The following NRG3 variants were observed in gnomAD, a reference collection of about 807,000 sequenced individuals.
The protein encoded by NRG3 is neuregulin 3.
A neutral mutation model predicts 66.9 loss-of-function variants in NRG3; 31 were observed. The ratio of observed to expected loss-of-function variants is 0.46; its 90% CI spans 0.35 to 0.63. NRG3 has a LOEUF of 0.63. Ranked by LOEUF, NRG3 falls within the 20% of genes least tolerant of loss-of-function variation. NRG3 has a pLI of 0.00. For synonymous variants in NRG3, 393 were observed against 359.4 expected (o/e 1.09, Z -1.06); for missense variants, 910 against 878.9 (o/e 1.04, Z -0.45).
chr10:82,838,093 G>A (rs1294761216), intron 3 of NRG3, among the ~76,000 whole-genome samples: 3 of 152,120 alleles, frequency 2.0e-5, no homozygotes, highest in Admixed American at 1.3e-4. Context: ...TTAGCACTAA[G>A]CTTAAAATCC....
intron 2 of NRG3, among the ~76,000 whole-genome samples, chr10:82,717,440 C>G (rs937196841): frequency 2.3e-5 from 3 of 129,150 alleles, no homozygotes; most frequent in African/African-American, 8.9e-5. Context: ...TGCTGTGTCG[C>G]CCAGGCTAGA....
intron 1 of NRG3, among the ~76,000 whole-genome samples, chr10:81,997,458 C>T (rs2060983929): frequency 2.0e-5 from 3 of 152,210 alleles, no homozygotes; most frequent in African/African-American, 2.4e-5. Flanking sequence ...CATAGTTGTT[C>T]TCCTTTTAAC....
intron 1 of NRG3, among the ~76,000 whole-genome samples, chr10:82,057,441 T>C (rs12355140): frequency 0.25 from 37,264 of 151,972 alleles, 4,693 homozygotes; most frequent in Middle Eastern, 0.34. Context: ...CCTACACGTA[T>C]ACATGGCAGC....
chr10:82,865,051 A>G (rs1840573978), intron 3 of NRG3, among the ~76,000 whole-genome samples: 1 of 152,190 alleles, frequency 6.6e-6, no homozygotes, highest in Admixed American at 6.5e-5. Context: ...GTTATTCCAC[A>G]TAAAATATTA....
chr10:82,334,337 C>A (rs1466154905), intron 1 of NRG3, among the ~76,000 whole-genome samples: 2 of 152,022 alleles, frequency 1.3e-5, no homozygotes, highest in Non-Finnish European at 2.9e-5. Flanking sequence ...CAGGAGTTGC[C>A]TTTTCAAAGC....
intron 2 of NRG3, among the ~76,000 whole-genome samples, chr10:82,535,902 C>CTTT (rs34319022): frequency 0.01 from 1,355 of 133,006 alleles, 25 homozygotes; most frequent in African/African-American, 0.034. Flanking sequence ...TTAAAGTAGT[C>CTTT]TTTTTTTTTT....
intron 3 of NRG3, among the ~76,000 whole-genome samples, chr10:82,860,908 G>A (rs138552158): frequency 2.2e-3 from 331 of 152,246 alleles, no homozygotes; most frequent in African/African-American, 7.2e-3. Flanking sequence ...TCCTGCAGGC[G>A]TGAATATCCC....
intron 1 of NRG3, among the ~76,000 whole-genome samples, chr10:82,297,881 C>T (rs1203808199): frequency 6.6e-6 from 1 of 151,956 alleles, no homozygotes; most frequent in Non-Finnish European, 1.5e-5. Flanking sequence ...GTGGCTTGCT[C>T]CTGTAATCCC....
chr10:82,028,319 A>G (rs1289630980), intron 1 of NRG3, among the ~76,000 whole-genome samples: 1 of 152,116 alleles, frequency 6.6e-6, no homozygotes, highest in East Asian at 1.9e-4. Flanking sequence ...TTAGAAGTCA[A>G]AATTTCTGCT....
chr10:82,952,362 G>A (rs1849602657), intron 5 of NRG3, among the ~76,000 whole-genome samples: 1 of 151,850 alleles, frequency 6.6e-6, no homozygotes, highest in African/African-American at 2.4e-5. Context: ...GAACCTGGGA[G>A]GTGGAAGTTG....
At chr10:82,625,799 G>T (rs1177293299) in intron 2 of NRG3, among the ~76,000 whole-genome samples, 1 of 152,194 alleles carries the variant, frequency 6.6e-6, no homozygotes, top group South Asian at 2.1e-4. Flanking sequence ...GTCACAATAT[G>T]TGTAAGTGGT....
intron 1 of NRG3, among the ~76,000 whole-genome samples, chr10:82,076,027 G>A (rs2065071948): frequency 6.6e-6 from 1 of 151,988 alleles, no homozygotes; most frequent in Admixed American, 6.6e-5. Flanking sequence ...GGAATTCTAA[G>A]TGAAACGATA....
intron 2 of NRG3, among the ~76,000 whole-genome samples, chr10:82,528,417 C>T (rs1347843742): frequency 6.6e-6 from 1 of 152,124 alleles, no homozygotes; most frequent in Non-Finnish European, 1.5e-5. Flanking sequence ...AGGGATCTCC[C>T]ATCATGGTTA....
At chr10:82,634,173 G>A (rs993264553) in intron 2 of NRG3, among the ~76,000 whole-genome samples, 1 of 152,152 alleles carries the variant, frequency 6.6e-6, no homozygotes, top group African/African-American at 2.4e-5. Context: ...TTCCAAGAAT[G>A]AGCCATGTTC....
intron 4 of NRG3, among the ~76,000 whole-genome samples, chr10:82,912,920 A>T (rs1845465454): frequency 6.6e-6 from 1 of 152,198 alleles, no homozygotes; most frequent in Admixed American, 6.5e-5. Flanking sequence ...TGACTAGTAT[A>T]GATAACTTAT....
intron 1 of NRG3, among the ~76,000 whole-genome samples, chr10:82,154,998 A>C (rs1044516047): frequency 2.6e-5 from 4 of 151,810 alleles, no homozygotes; most frequent in Non-Finnish European, 4.4e-5. Context: ...AAACGGAGAC[A>C]ATTTCACTTC....
intron 1 of NRG3, among the ~76,000 whole-genome samples, chr10:81,894,271 G>C (rs1295067100): frequency 6.6e-6 from 1 of 152,126 alleles, no homozygotes; most frequent in African/African-American, 2.4e-5. Flanking sequence ...AACCCAGGAG[G>C]CAGAGGTTGC....
chr10:82,187,524 G>A (rs989557733), intron 1 of NRG3, among the ~76,000 whole-genome samples: 3 of 152,120 alleles, frequency 2.0e-5, no homozygotes. Context: ...TGTTCTTTGA[G>A]GGAGTATAAA....
chr10:82,850,635 A>T (rs1392098214), intron 3 of NRG3, among the ~76,000 whole-genome samples: 1 of 151,826 alleles, frequency 6.6e-6, no homozygotes, highest in African/African-American at 2.4e-5. Flanking sequence ...TTGAAAAATT[A>T]TTTGCATCTA....
Sources: allele counts gnomAD v4.1 joint callset (sites outside exome capture counted in the v4.1 genomes callset), GRCh38; gene constraint gnomAD v4.1.1; transcripts MANE v1.5; gene names NCBI Gene and HGNC (gene_info 2026-07-23, HGNC 2026-07-21).